Variants in JHY observed in about 807,000 individuals in gnomAD.
The protein encoded by JHY is jhy protein homolog.
Under a neutral mutation model 78.0 loss-of-function variants are expected in JHY, and 69 were observed. The observed-to-expected ratio is 0.88, with a 90% CI of 0.73 to 1.08. The LOEUF (loss-of-function observed/expected upper bound fraction) is 1.08, where lower values mean the gene tolerates loss of function less well. Ranked by LOEUF, JHY falls within the 50% of genes least tolerant of loss-of-function variation. JHY has a pLI of 0.00. For missense variants in JHY, 944 were observed against 927.8 expected, an observed-to-expected ratio of 1.02 and a Z score of -0.23; for synonymous variants, 368 against 342.6, an observed-to-expected ratio of 1.07 and a Z score of -0.82.
chr11:122,903,782 G>A, intron 2 of JHY, 143 bp from the exon 3 acceptor site: 1 of 1,185,964 alleles, frequency 8.4e-7, no homozygotes, highest in Non-Finnish European at 1.2e-6. Context: ...GCACGCTGCT[G>A]GGATTTGTGT....
intron 3 of JHY, among the ~76,000 whole-genome samples, chr11:122,919,954 C>T (rs943594496): frequency 1.3e-5 from 2 of 152,222 alleles, no homozygotes; most frequent in African/African-American, 4.8e-5. Flanking sequence ...TATTTCATGT[C>T]TTTTGCCTCT....
At chr11:122,893,280 T>C (rs1480316926) in intron 2 of JHY, among the ~76,000 whole-genome samples, 1 of 152,222 alleles carries the variant, frequency 6.6e-6, no homozygotes, top group Non-Finnish European at 1.5e-5. Flanking sequence ...CAAACTATGC[T>C]TTAGTTAAAC....
chr11:122,895,597 G>A (rs895267155), intron 2 of JHY, among the ~76,000 whole-genome samples: 3 of 152,144 alleles, frequency 2.0e-5, no homozygotes, highest in Non-Finnish European at 2.9e-5. Flanking sequence ...ATGTGAAACC[G>A]TCCCCCACTC....
chr11:122,890,945 A>G (rs561194560), intron 2 of JHY, among the ~76,000 whole-genome samples: 1 of 152,292 alleles, frequency 6.6e-6, no homozygotes, highest in Admixed American at 6.5e-5. Context: ...TGGGTAAATA[A>G]TGCCTCAAAA....
In JHY at chr11:122,963,651, G is replaced by A. The variant is rs530581797; in HGVS notation, c.*4206G>A. Among the ~76,000 whole-genome samples, 6 of 152,244 alleles carry A rather than the reference G, an allele frequency of 3.9e-5. No individual in the cohort carries two copies. The highest frequency in any genetic ancestry group is 1.4e-4 in the African/African-American group (6 of 41,570). ...CAATAGTGATCTTTTATAGGCCCAA[G>A]TTGGATCAGTGATCAATTCATAGCA... On this transcript the variant is annotated 3_prime_UTR_variant, in exon 9 of 9. Transcript: ENST00000227349.
chr11:122,901,332 C>T (rs949149239), intron 2 of JHY, among the ~76,000 whole-genome samples: 4 of 152,158 alleles, frequency 2.6e-5, no homozygotes, highest in African/African-American at 7.2e-5. Flanking sequence ...AGGCCTAGGA[C>T]ATTACTGTAA....
At chr11:122,937,627 G>A (rs972640893) in intron 5 of JHY, among the ~76,000 whole-genome samples, 3 of 152,086 alleles carry the variant, frequency 2.0e-5, no homozygotes, top group African/African-American at 7.2e-5. Context: ...AGTTCTCAGC[G>A]TGCCAGTGTC....
rs1387263306 is a variant in JHY at position 122,962,094 on chromosome 11, G to C, written c.*2649G>C. 6.6e-6 allele frequency among the ~76,000 whole-genome samples: 1 copy of C among 152,198 alleles called. No homozygotes were observed. Among genetic ancestry groups the C allele is most frequent in the Non-Finnish European group, 1.5e-5 (1 of 68,036 alleles). The stretch of plus-strand genomic sequence containing the variant: ...CCATAGTTTACTACTGAATACAAAT[G>C]TTAATAAATATTTTTTAGTTTTTAA... On this transcript the variant is annotated 3_prime_UTR_variant, in exon 9 of 9. Coordinates refer to ENST00000227349, the MANE Select transcript of JHY (RefSeq NM_024806.4).
At chr11:122,908,312 T>C (rs35798966) in intron 3 of JHY, among the ~76,000 whole-genome samples, 12,215 of 152,274 alleles carry the variant, frequency 0.08, 543 homozygotes, top group Middle Eastern at 0.095. Flanking sequence ...ATTTTCTGCA[T>C]GGCCCAAGGT....
chr11:122,928,010 C>T (rs1187332132), intron 4 of JHY, among the ~76,000 whole-genome samples: 11 of 152,160 alleles, frequency 7.2e-5, no homozygotes, highest in African/African-American at 2.7e-4. Flanking sequence ...GGATTACAGG[C>T]GTGAGCCACT....
At position 122,885,843 on chromosome 11, in the gene JHY, T is replaced by G; in HGVS notation, c.-7T>G. ...GTATCCCCTGTTAATTTTTTGCATTTTTCAAGATGAGTAAACGTAAACTAA... is the reference window on the plus strand; with the variant it reads ...GTATCCCCTGTTAATTTTTTGCATTGTTCAAGATGAGTAAACGTAAACTAA... On this transcript the variant is annotated 5_prime_UTR_variant, in exon 2 of 9. Coordinates refer to ENST00000227349, the MANE Select transcript of JHY (RefSeq NM_024806.4). 6.3e-7 allele frequency: 1 copy of G among 1,592,782 alleles called. No individual in the cohort carries two copies. The highest frequency in any genetic ancestry group is 1.3e-5 in the African/African-American group (1 of 74,288).
At chr11:122,926,202 A>AG (rs1288907841) in intron 4 of JHY, among the ~76,000 whole-genome samples, 4 of 89,596 alleles carry the variant, frequency 4.5e-5, no homozygotes, top group Admixed American at 1.0e-4. Flanking sequence ...AAAAAAAAAA[A>AG]AAAAGAAAAA....
At chr11:122,901,187 A>G (rs1216403636) in intron 2 of JHY, among the ~76,000 whole-genome samples, 2 of 152,370 alleles carry the variant, frequency 1.3e-5, no homozygotes, top group Admixed American at 6.5e-5. Flanking sequence ...GCATCTAAAC[A>G]TAGAAAAGGT....
At chr11:122,944,089 C>T (rs561998394) in intron 5 of JHY, among the ~76,000 whole-genome samples, 10 of 152,164 alleles carry the variant, frequency 6.6e-5, no homozygotes, top group African/African-American at 2.2e-4. Context: ...CACAACTAAT[C>T]AGGAGGCTGA....
intron 5 of JHY, among the ~76,000 whole-genome samples, chr11:122,939,205 C>T (rs963183001): frequency 6.6e-6 from 1 of 152,090 alleles, no homozygotes; most frequent in South Asian, 2.1e-4. Flanking sequence ...CCAGGATGGT[C>T]TCGATCTCCT....
At chr11:122,916,771 T>C (rs1863242897) in intron 3 of JHY, among the ~76,000 whole-genome samples, 1 of 152,106 alleles carries the variant, frequency 6.6e-6, no homozygotes, top group Admixed American at 6.5e-5. Context: ...ACCGAGTAGC[T>C]GGGATTACAG....
chr11:122,899,896 G>A (rs150343418), intron 2 of JHY, among the ~76,000 whole-genome samples: 20 of 152,328 alleles, frequency 1.3e-4, no homozygotes, highest in African/African-American at 4.6e-4. Flanking sequence ...CCAGGTCTGT[G>A]CCCTGCCGGA....
intron 4 of JHY, among the ~76,000 whole-genome samples, chr11:122,926,811 T>G (rs116359354): frequency 3.5e-4 from 53 of 152,362 alleles, no homozygotes; most frequent in African/African-American, 1.2e-3. Context: ...TTTCAAAACC[T>G]TAAATTTCTT....
At chr11:122,949,743 C>G (rs1864045576) in intron 6 of JHY, among the ~76,000 whole-genome samples, 1 of 152,112 alleles carries the variant, frequency 6.6e-6, no homozygotes, top group Admixed American at 6.5e-5. Context: ...TCCGTGCCCA[C>G]GCTGTGGAAT....
Sources: gnomAD v4.1 joint callset for allele counts (sites outside exome capture counted in the v4.1 genomes callset) on GRCh38, gnomAD v4.1.1 for gene constraint, MANE v1.5 for transcripts, NCBI Gene and HGNC (gene_info 2026-07-23, HGNC 2026-07-21) for gene names.